Variants in ARHGEF26 observed in about 807,000 individuals in gnomAD.
ARHGEF26 encodes the protein Rho guanine nucleotide exchange factor (GEF) 26.
A neutral mutation model predicts 89.4 loss-of-function variants in ARHGEF26; 59 were observed. That is an observed-to-expected ratio of 0.66 (90% CI 0.54 to 0.82). ARHGEF26 has a LOEUF of 0.82. Among genes scored for constraint, ARHGEF26 ranks in the 40% least tolerant of loss-of-function variants. The pLI, the probability that ARHGEF26 is intolerant of heterozygous loss-of-function variation, is 0.00. For missense variants in ARHGEF26, 1,234 were observed against 1,085.6 expected (o/e 1.14, Z -1.92); for synonymous variants, 500 against 428.4 (o/e 1.17, Z -2.06).
At chr3:154,173,833 A>G (rs4679730) in intron 6 of ARHGEF26, among the ~76,000 whole-genome samples, 5,700 of 152,236 alleles carry the variant, frequency 0.037, 125 homozygotes, top group Non-Finnish European at 0.047. Flanking sequence ...AGTCCCTAAA[A>G]ACTCAGTTTG....
intron 11 of ARHGEF26, among the ~76,000 whole-genome samples, chr3:154,227,166 A>T (rs530557099): frequency 6.6e-6 from 1 of 152,244 alleles, no homozygotes; most frequent in African/African-American, 2.4e-5. Context: ...TAATGTGACA[A>T]TGATACATAC....
chr3:154,122,031 C>T lies in ARHGEF26; in HGVS notation c.39C>T (p.Ser13=). Residue 13 remains serine (S), a synonymous_variant, in exon 2 of 15, where the codon AGC becomes AGT. Transcript: ENST00000465093. ...GESEVDFSSN[S]ITPLWRRRSI... ...GCGAGGTGGATTTTTCTAGCAACAG[C>T]ATAACCCCTTTGTGGCGGAGGCGGT... The T allele has an allele frequency of 1.2e-6, 2 of 1,610,502 alleles. No homozygotes were observed. Among genetic ancestry groups the T allele is most frequent in the Non-Finnish European group, 1.7e-6 (2 of 1,177,208 alleles).
chr3:154,217,936 C>G lies in ARHGEF26; in HGVS notation c.1913C>G (p.Ser638Cys), dbSNP rs1329360019. ...ACTGAGATGATGTACACAATTAACT[C>G]CCAGCTGGAATTTAAAATTAAGGTA... ...ERTEMMYTINSQLEFKIKPFP... is the reference protein window; with the variant it reads ...ERTEMMYTINCQLEFKIKPFP... The change falls in exon 10 of 15, where the codon TCC (serine) becomes TGC (cysteine). Residue 638 changes from serine to cysteine, a missense_variant. Coordinates refer to ENST00000465093, the MANE Select transcript of ARHGEF26 (RefSeq NM_015595.4). 2 of 1,595,666 alleles carry G rather than the reference C, an allele frequency of 1.3e-6. No homozygotes were observed. Among genetic ancestry groups the G allele is most frequent in the Admixed American group, 3.5e-5 (2 of 57,436 alleles).
intron 6 of ARHGEF26, among the ~76,000 whole-genome samples, chr3:154,178,999 T>C (rs769428120): frequency 1.3e-5 from 2 of 152,232 alleles, no homozygotes; most frequent in Admixed American, 6.5e-5. Context: ...TTTCGAGTTC[T>C]ACATGGTCTA....
chr3:154,159,496 A>G (rs1395899688), intron 6 of ARHGEF26, among the ~76,000 whole-genome samples: 2 of 152,110 alleles, frequency 1.3e-5, no homozygotes, highest in East Asian at 3.8e-4. Context: ...AGTAAATTAC[A>G]ATAATAGTAA....
chr3:154,231,715 T>C (rs1245821661), intron 11 of ARHGEF26, among the ~76,000 whole-genome samples: 2 of 152,206 alleles, frequency 1.3e-5, no homozygotes, highest in Non-Finnish European at 2.9e-5. Flanking sequence ...TACGGCACGC[T>C]CTAGGACCAG....
intron 11 of ARHGEF26, among the ~76,000 whole-genome samples, chr3:154,234,155 G>A (rs116059239): frequency 0.011 from 1,652 of 152,222 alleles, 22 homozygotes; most frequent in African/African-American, 0.037. Context: ...AAGCGGGTAC[G>A]TGAGAGTTAC....
At chr3:154,222,917 C>CT (rs916147265) in intron 10 of ARHGEF26, among the ~76,000 whole-genome samples, 1 of 152,094 alleles carries the variant, frequency 6.6e-6, no homozygotes, top group Admixed American at 6.5e-5. Context: ...AGCTTATCCT[C>CT]TGAGATGGGA....
chr3:154,165,111 A>G lies in ARHGEF26; in HGVS notation c.1487+12179A>G, dbSNP rs975484641. On this transcript the variant is annotated intron_variant, in intron 6 of 14. Transcript: ENST00000465093. ...GAATCTGTGTTTTTCAGGTTTTAAA[A>G]ATATTAAATATGGGAGGAGTTTGGT... Among the ~76,000 whole-genome samples, 43 of 152,128 alleles carry G rather than the reference A, an allele frequency of 2.8e-4. 1 individual carries two copies. Among genetic ancestry groups the G allele is most frequent in the African/African-American group, 1.0e-3 (42 of 41,434 alleles).
intron 4 of ARHGEF26, among the ~76,000 whole-genome samples, chr3:154,140,011 C>G (rs1168318327): frequency 1.3e-5 from 2 of 152,166 alleles, no homozygotes; most frequent in Non-Finnish European, 2.9e-5. Context: ...TTCCACTTAG[C>G]CTGGTTAGAA....
intron 3 of ARHGEF26, among the ~76,000 whole-genome samples, chr3:154,127,849 T>C (rs1016909363): frequency 6.6e-6 from 1 of 152,206 alleles, no homozygotes; most frequent in Non-Finnish European, 1.5e-5. Flanking sequence ...ATAGGAATTT[T>C]TTAGCTCCTT....
At position 154,256,268 on chromosome 3, in the gene ARHGEF26, G is replaced by GCACA. The variant is rs1718499699; in HGVS notation, c.*796_*797insACAC. On this transcript the variant is annotated 3_prime_UTR_variant, in exon 15 of 15. Coordinates refer to ENST00000465093, the MANE Select transcript of ARHGEF26 (RefSeq NM_015595.4). ...TTTTTTCCCCACCTCTGTCGCCCAG[G>GCACA]CTAGAGTATAGTGGTGTGATCTTGG... is the stretch of plus-strand genomic sequence containing the variant. 2 of 984,652 alleles carry GCACA rather than the reference G, an allele frequency of 2.0e-6. No homozygotes were observed. The highest frequency in any genetic ancestry group is 2.4e-6 in the Non-Finnish European group (2 of 829,394). 61.0% of individuals were successfully genotyped at this position (984,652 alleles called of 1,614,324 possible). A position where few individuals can be genotyped will look rare whatever the true frequency, so the allele number is the denominator to read the frequency against.
chr3:154,250,716 G>A (rs981524757), intron 12 of ARHGEF26, among the ~76,000 whole-genome samples: 2 of 152,104 alleles, frequency 1.3e-5, no homozygotes, highest in African/African-American at 2.4e-5. Context: ...TTTCAGTATG[G>A]CATAGAGAGA....
At chr3:154,233,603 C>G (rs1716939161) in intron 11 of ARHGEF26, among the ~76,000 whole-genome samples, 1 of 152,182 alleles carries the variant, frequency 6.6e-6, no homozygotes, top group Non-Finnish European at 1.5e-5. Context: ...TAATGCACGA[C>G]AGTCTAGAAG....
At chr3:154,121,649 T>A (rs1478418970) in intron 1 of ARHGEF26, 130 bp downstream of exon 1, 1 of 277,554 alleles carries the variant, frequency 3.6e-6, no homozygotes, top group African/African-American at 2.2e-5. Flanking sequence ...CCCAAGTTTC[T>A]TGTGCCTCGG....
chr3:154,122,426 G>T lies in ARHGEF26; in HGVS notation c.434G>T (p.Arg145Leu). The change falls in exon 2 of 15, where the codon CGC becomes CTC. Residue 145 changes from arginine (R) to leucine (L), a missense_variant. Transcript: ENST00000465093. ...GCGCCGCCGCCGCCGCCGGTTCTGCGCCCCCCGCGGACTCCTAACGCGCCC... is the reference window on the plus strand; with the variant it reads ...GCGCCGCCGCCGCCGCCGGTTCTGCTCCCCCCGCGGACTCCTAACGCGCCC... ...LPAPPPPPVL[R>L]PPRTPNAPAP... The T allele has an allele frequency of 6.2e-7, 1 of 1,611,034 alleles. No homozygotes were observed.
At position 154,193,842 on chromosome 3, in the gene ARHGEF26, G is replaced by GTTTTTTTTTT. The variant is rs149514592; in HGVS notation, c.1771-793_1771-792insTTTTTTTTTT. Among the ~76,000 whole-genome samples the GTTTTTTTTTT allele has an allele frequency of 1.0e-3, 156 of 150,010 alleles. 1 individual carries two copies. The highest frequency in any genetic ancestry group is 3.8e-3 in the African/African-American group (153 of 40,594). On this transcript the variant is annotated intron_variant, in intron 8 of 14. Transcript: ENST00000465093. ...TTTTTTCCTTTGCTGGTTTTTTTGG[G>GTTTTTTTTTT]TTTTTTTTTGACTGTTTTTTCTTTG...
intron 6 of ARHGEF26, among the ~76,000 whole-genome samples, chr3:154,170,159 C>T (rs1240269470): frequency 1.3e-5 from 2 of 151,836 alleles, no homozygotes; most frequent in Non-Finnish European, 2.9e-5. Flanking sequence ...CCCAGGAGTT[C>T]AAGACCAGCC....
At chr3:154,205,193 A>C (rs1714939815) in intron 9 of ARHGEF26, among the ~76,000 whole-genome samples, 1 of 151,924 alleles carries the variant, frequency 6.6e-6, no homozygotes, top group Admixed American at 6.6e-5. Flanking sequence ...TCCAGTGTTG[A>C]GTTCATATAT....
Sources: allele counts gnomAD v4.1 joint callset (sites outside exome capture counted in the v4.1 genomes callset), GRCh38; gene constraint gnomAD v4.1.1; transcripts MANE v1.5; gene names NCBI Gene and HGNC (gene_info 2026-07-23, HGNC 2026-07-21).